NECAB1: variants seen among roughly 807,000 people sequenced by gnomAD.
NECAB1 encodes the protein N-terminal EF-hand calcium-binding protein 1.
Under a neutral mutation model 57.5 loss-of-function variants are expected in NECAB1, and 29 were observed. The observed-to-expected ratio is 0.50, with a 90% confidence interval of 0.38 to 0.69. The LOEUF (loss-of-function observed/expected upper bound fraction) is 0.69. Ranked by LOEUF, NECAB1 falls within the 30% of genes least tolerant of loss-of-function variation. The probability of loss-of-function intolerance (pLI) is 0.00; values close to 1 mark genes in which losing one functional copy is unlikely to be tolerated. For missense variants in NECAB1, 372 were observed against 413.8 expected, an observed-to-expected ratio of 0.90 and a Z score of 0.88; for synonymous variants, 142 against 147.7, an observed-to-expected ratio of 0.96 and a Z score of 0.28.
intron 3 of NECAB1, among the ~76,000 whole-genome samples, chr8:90,825,689 GCTAA>G (rs1259119123): frequency 6.6e-6 from 1 of 151,798 alleles, no homozygotes; most frequent in Non-Finnish European, 1.5e-5. Context: ...TTTTTTTGAA[GCTAA>G]CTATTAAGAA....
intron 3 of NECAB1, among the ~76,000 whole-genome samples, chr8:90,850,365 G>A (rs1812660787): frequency 6.6e-6 from 1 of 152,154 alleles, no homozygotes; most frequent in Non-Finnish European, 1.5e-5. Context: ...GCATAAAGGA[G>A]CACATTTTCC....
chr8:90,866,056 T>C (rs1318090511), intron 3 of NECAB1, among the ~76,000 whole-genome samples: 1 of 152,188 alleles, frequency 6.6e-6, no homozygotes, highest in Non-Finnish European at 1.5e-5. Context: ...CAAAAATATT[T>C]GCAAGGTCAG....
At chr8:90,809,448 T>C (rs1729603809) in intron 2 of NECAB1, among the ~76,000 whole-genome samples, 1 of 152,254 alleles carries the variant, frequency 6.6e-6, no homozygotes, top group African/African-American at 2.4e-5. Flanking sequence ...ATTAGAGCTA[T>C]TGAAGACTTC....
At chr8:90,851,049 C>T (rs1812672420) in intron 3 of NECAB1, among the ~76,000 whole-genome samples, 1 of 152,136 alleles carries the variant, frequency 6.6e-6, no homozygotes, top group South Asian at 2.1e-4. Flanking sequence ...CAATGATTTA[C>T]TCAACTGCCT....
At chr8:90,947,272 C>T (rs1395445203) in intron 10 of NECAB1, among the ~76,000 whole-genome samples, 2 of 121,292 alleles carry the variant, frequency 1.6e-5, no homozygotes, top group South Asian at 5.5e-4. Context: ...AAAAGTGATA[C>T]TTTCCTTTTA....
intron 4 of NECAB1, among the ~76,000 whole-genome samples, chr8:90,875,487 C>CAAAAAAAAAA (rs35777818): frequency 5.8e-4 from 24 of 41,496 alleles, no homozygotes; most frequent in African/African-American, 3.3e-3. Flanking sequence ...GACTCCGTCT[C>CAAAAAAAAAA]AAAAAAAAAA....
intron 9 of NECAB1, among the ~76,000 whole-genome samples, chr8:90,938,974 A>C (rs73298070): frequency 0.1 from 15,241 of 152,154 alleles, 2,106 homozygotes; most frequent in African/African-American, 0.31. Context: ...GCTTTCTCGT[A>C]TGTCTAGGAG....
At chr8:90,827,611 T>G (rs1812245897) in intron 3 of NECAB1, among the ~76,000 whole-genome samples, 1 of 152,022 alleles carries the variant, frequency 6.6e-6, no homozygotes, top group Non-Finnish European at 1.5e-5. Context: ...ATATTTGCCA[T>G]GCTTGAGGAG....
intron 1 of NECAB1, among the ~76,000 whole-genome samples, chr8:90,798,309 A>G (rs1811697152): frequency 6.6e-6 from 1 of 152,158 alleles, no homozygotes; most frequent in Non-Finnish European, 1.5e-5. Flanking sequence ...TTAAAGTTTT[A>G]TTTTAGATTC....
intron 3 of NECAB1, among the ~76,000 whole-genome samples, chr8:90,860,081 G>A (rs191298313): frequency 4.9e-4 from 74 of 152,098 alleles, no homozygotes; most frequent in African/African-American, 1.6e-3. Flanking sequence ...TTTCACTACC[G>A]GCCACCCACC....
chr8:90,863,770 G>C (rs571588947), intron 3 of NECAB1, among the ~76,000 whole-genome samples: 26 of 152,090 alleles, frequency 1.7e-4, no homozygotes, highest in South Asian at 4.2e-4. Flanking sequence ...CTAAATTCCA[G>C]TTATTTTAAG....
intron 2 of NECAB1, among the ~76,000 whole-genome samples, chr8:90,803,832 T>C (rs1482314767): frequency 1.3e-5 from 2 of 152,200 alleles, no homozygotes; most frequent in African/African-American, 4.8e-5. Context: ...CCTGTAACTT[T>C]CCACCCTCAG....
rs143759833 is a variant in NECAB1, at chr8:90,835,862, C to T, written c.233+11037C>T. Among the ~76,000 whole-genome samples the T allele has an allele frequency of 2.5e-4, 38 of 152,286 alleles. No homozygotes were observed. In the East Asian group the frequency reaches 6.9e-3, roughly 28 times the overall value. ...ATATTTTGATTTGATGTAAGAAAGG[C>T]GTGCAAAAGCACATTGCTGGTGACT... On this transcript the variant is annotated intron_variant, in intron 3 of 12. Transcript: ENST00000417640.
intron 8 of NECAB1, among the ~76,000 whole-genome samples, chr8:90,928,849 C>T (rs902295997): frequency 3.9e-5 from 6 of 152,102 alleles, no homozygotes; most frequent in African/African-American, 1.4e-4. Flanking sequence ...TTTAGAACTA[C>T]ATTTTATGTT....
intron 3 of NECAB1, among the ~76,000 whole-genome samples, chr8:90,829,808 G>C (rs1018376109): frequency 1.3e-5 from 2 of 151,938 alleles, no homozygotes; most frequent in Admixed American, 1.3e-4. Context: ...ACTGAAATCT[G>C]TCTCTCTTAA....
rs538712295 is a variant in NECAB1 at position 90,928,097 on chromosome 8, A to C, written c.617-126A>C. ...TAGAAAGCACTCGTGAATACATTTT[A>C]AAAAAATGACCAGTCAGTGACACTG... On this transcript the variant is annotated intron_variant, in intron 7 of 12. Transcript: ENST00000417640. 4 of 705,132 alleles carry C rather than the reference A, an allele frequency of 5.7e-6. No homozygotes were observed. In the African/African-American group the frequency reaches 7.4e-5, roughly 13 times the overall value. 43.7% of individuals were successfully genotyped at this position (705,132 alleles called of 1,614,324 possible). A position where few individuals can be genotyped will look rare whatever the true frequency, so the allele number is the denominator to read the frequency against.
chr8:90,893,972 G>T (rs1809259663), intron 5 of NECAB1, among the ~76,000 whole-genome samples: 1 of 151,732 alleles, frequency 6.6e-6, no homozygotes, highest in Non-Finnish European at 1.5e-5. Context: ...TTCATGATCT[G>T]CTCTGACATT....
chr8:90,854,034 C>A (rs545246722), intron 3 of NECAB1, among the ~76,000 whole-genome samples: 2 of 152,252 alleles, frequency 1.3e-5, no homozygotes, highest in African/African-American at 4.8e-5. Flanking sequence ...ATGCTATTAT[C>A]TGGTGAGTTT....
rs927631539 is a variant in NECAB1 at position 90,928,144 on chromosome 8, G to A, written c.617-79G>A. On this transcript the variant is annotated intron_variant, in intron 7 of 12. Transcript: ENST00000417640. ...ACTGCATCTTTCCTTCAGGGTTGAA[G>A]GAAAGCTCTGATATAACCAAGCATT... 5.5e-6 allele frequency: 6 copies of A among 1,090,514 alleles called. No individual in the cohort carries two copies. In the East Asian group the frequency reaches 1.2e-4, roughly 23 times the overall value. The allele number at this position is 1,090,514 out of a possible 1,614,324, so 67.6% of individuals were successfully genotyped here.
Sources: allele counts gnomAD v4.1 joint callset (sites outside exome capture counted in the v4.1 genomes callset), GRCh38; gene constraint gnomAD v4.1.1; transcripts MANE v1.5; gene names NCBI Gene and HGNC (gene_info 2026-07-23, HGNC 2026-07-21).